The following PPP2R3B variants were observed in gnomAD, a reference collection of about 807,000 sequenced individuals.
The protein encoded by PPP2R3B is serine/threonine-protein phosphatase 2A regulatory subunit B'' subunit beta.
PPP2R3B carries 68 observed loss-of-function variants against 72.9 expected under a neutral mutation model. The observed-to-expected ratio is 0.93, with a 90% CI of 0.77 to 1.14. The LOEUF (loss-of-function observed/expected upper bound fraction) is 1.14. PPP2R3B is among the 50% of genes most tolerant of loss of function. PPP2R3B has a pLI of 0.00. For synonymous variants in PPP2R3B, 466 were observed against 375.8 expected (o/e 1.24, Z -2.78); for missense variants, 1,018 against 842.0 (o/e 1.21, Z -2.59).
At chrX:363,624 C>CATGCCCA (rs1569404167) in intron 1 of PPP2R3B, among the ~76,000 whole-genome samples, 46 of 48,450 alleles carry the variant, frequency 9.5e-4, no homozygotes, top group South Asian at 2.6e-3. Flanking sequence ...ATGCATCTCC[C>CATGCCCA]CGAGCCCACC....
At chrX:379,734 T>C (rs2072083739) in intron 1 of PPP2R3B, among the ~76,000 whole-genome samples, 1 of 152,208 alleles carries the variant, frequency 6.6e-6, no homozygotes, top group East Asian at 1.9e-4. Flanking sequence ...TGTTTGTGGA[T>C]TGGAAAATAC....
At chrX:355,250 C>A (rs548209664) in intron 2 of PPP2R3B, among the ~76,000 whole-genome samples, 8 of 152,272 alleles carry the variant, frequency 5.3e-5, no homozygotes, top group African/African-American at 1.9e-4. Context: ...TAAAAAAATA[C>A]CACGTACAGT....
intron 9 of PPP2R3B, 136 bp downstream of exon 9, chrX:341,171 C>G: frequency 1.2e-6 from 1 of 816,950 alleles, no homozygotes; most frequent in Admixed American, 2.0e-5. Context: ...CCGTGCAGCC[C>G]CCACCGGGCG....
intron 8 of PPP2R3B, 66 bp downstream of exon 8, chrX:341,817 A>G: frequency 6.4e-7 from 1 of 1,559,048 alleles, no homozygotes; most frequent in Non-Finnish European, 8.8e-7. Flanking sequence ...TCAGGCAACG[A>G]TGAGGAGAGG....
intron 1 of PPP2R3B, among the ~76,000 whole-genome samples, chrX:376,382 A>C (rs1234585963): frequency 3.3e-5 from 5 of 152,174 alleles, no homozygotes; most frequent in Admixed American, 6.5e-5. Flanking sequence ...GTGCAGCCAC[A>C]GGGCTGTCTA....
intron 1 of PPP2R3B, among the ~76,000 whole-genome samples, chrX:379,101 ATGCACCTGTGTG>A (rs1287940397): frequency 2.8e-4 from 37 of 131,476 alleles, no homozygotes; most frequent in African/African-American, 3.7e-4. Flanking sequence ...GTGTGTGTGT[ATGCACCTGTGTG>A]TGCACCTGTG....
At chrX:373,196 C>G (rs2071904275) in intron 1 of PPP2R3B, among the ~76,000 whole-genome samples, 1 of 152,216 alleles carries the variant, frequency 6.6e-6, no homozygotes, top group Non-Finnish European at 1.5e-5. Flanking sequence ...CAGGCGCTGA[C>G]GGCTCTCACC....
At chrX:368,296 C>T (rs1287414459) in intron 1 of PPP2R3B, among the ~76,000 whole-genome samples, 28 of 108,566 alleles carry the variant, frequency 2.6e-4, no homozygotes, top group South Asian at 1.9e-3. Context: ...CCTTGGGCAC[C>T]GACGGGGGGA....
rs367928301 is a variant in PPP2R3B at position 364,750 on chromosome X, G to A, written c.325-3160C>T. On this transcript the variant is annotated intron_variant, in intron 1 of 12. Transcript: ENST00000390665. ...AACAAACGATTAACCAGGTGTGGTGGCGCATGCCTGTACTCCCAGCTACTC... is the reference window on the plus strand; with the variant it reads ...AACAAACGATTAACCAGGTGTGGTGACGCATGCCTGTACTCCCAGCTACTC... 5.4e-4 allele frequency among the ~76,000 whole-genome samples: 42 copies of A among 77,968 alleles called. 9 individuals are homozygous for A. The East Asian group carries it at 0.03, about 56-fold the overall frequency. 51.2% of individuals were successfully genotyped at this position (77,968 alleles called of 152,430 possible).
chrX:334,245 A>G lies in PPP2R3B; in HGVS notation c.*122T>C. ...CGGCAATCAACACGCTTCTGTGAAT[A>G]AATAAAAGTTTATCATTCCGTACAA... On this transcript the variant is annotated 3_prime_UTR_variant, in exon 13 of 13. Transcript: ENST00000390665. The G allele has an allele frequency of 8.5e-7, 1 of 1,169,870 alleles. No homozygotes were observed. The highest frequency in any genetic ancestry group is 1.1e-6 in the Non-Finnish European group (1 of 891,856). 72.5% of individuals were successfully genotyped at this position (1,169,870 alleles called of 1,614,324 possible). A position where few individuals can be genotyped will look rare whatever the true frequency, so the allele number is the denominator to read the frequency against.
At chrX:347,365 C>T (rs752136631) in intron 3 of PPP2R3B, 29 bp from the exon 4 acceptor site, 53 of 1,605,210 alleles carry the variant, frequency 3.3e-5, no homozygotes, top group Non-Finnish European at 4.3e-5. Flanking sequence ...TGGGCACCAC[C>T]CTCACAGGGG....
intron 1 of PPP2R3B, among the ~76,000 whole-genome samples, chrX:370,815 C>G (rs1170742777): frequency 5.3e-5 from 8 of 152,216 alleles, no homozygotes; most frequent in Non-Finnish European, 2.9e-5. Context: ...GTCAGGGACG[C>G]CCAGAGCCCA....
intron 7 of PPP2R3B, among the ~76,000 whole-genome samples, chrX:342,904 G>C (rs1383234842): frequency 7.8e-5 from 2 of 25,538 alleles, no homozygotes; most frequent in Admixed American, 3.6e-4. Context: ...GGAGACCTCA[G>C]CAACGGGAGG....
At chrX:363,401 CAATCCCACA>C (rs2071591646) in intron 1 of PPP2R3B, among the ~76,000 whole-genome samples, 1 of 150,822 alleles carries the variant, frequency 6.6e-6, no homozygotes, top group African/African-American at 2.4e-5. Context: ...CCCGAGCCCG[CAATCCCACA>C]GTGCATCTCC....
Position 345,764 on chromosome X carries a change from G to A in PPP2R3B, c.880-92C>T. Reference sequence around the variant, plus strand: ...CGGGCGGGGCAGGGAAGGCTGGGAGGGTCGGGGCCGCTCCGTGGGTGGGGG... The same window carrying A: ...CGGGCGGGGCAGGGAAGGCTGGGAGAGTCGGGGCCGCTCCGTGGGTGGGGG... On this transcript the variant is annotated intron_variant, in intron 6 of 12. Coordinates refer to ENST00000390665, the MANE Select transcript of PPP2R3B (RefSeq NM_013239.5). The A allele has an allele frequency of 2.0e-6, 3 of 1,472,362 alleles. No homozygotes were observed. The South Asian group carries it at 3.8e-5, about 18-fold the overall frequency. The allele number at this position is 1,472,362 out of a possible 1,614,324, so 91.2% of individuals were successfully genotyped here.
chrX:341,712 C>G (rs2071082040), intron 8 of PPP2R3B, 171 bp downstream of exon 8: 1 of 782,190 alleles, frequency 1.3e-6, no homozygotes, highest in Non-Finnish European at 2.2e-6. Context: ...TTGTGCCACC[C>G]CCCCCCACTA....
chrX:362,197 C>T (rs73613894), intron 1 of PPP2R3B: 3,443 of 159,040 alleles, frequency 0.022, 144 homozygotes, highest in African/African-American at 0.079. Flanking sequence ...GGCTCTTGGC[C>T]CCACTCAGCA....
intron 2 of PPP2R3B, among the ~76,000 whole-genome samples, chrX:354,040 CA>C (rs1328188294): frequency 1.6e-5 from 2 of 123,944 alleles, no homozygotes; most frequent in Admixed American, 8.3e-5. Flanking sequence ...GCCCAGGGAC[CA>C]GGGGCTCACC....
intron 2 of PPP2R3B, 156 bp downstream of exon 2, chrX:361,249 C>T (rs1316346645): frequency 3.3e-6 from 1 of 301,734 alleles, no homozygotes; most frequent in Admixed American, 6.5e-5. Flanking sequence ...TCAGAGAAAA[C>T]CTGGGCCGCT....
Sources: gnomAD v4.1 joint callset for allele counts (sites outside exome capture counted in the v4.1 genomes callset) on GRCh38, gnomAD v4.1.1 for gene constraint, MANE v1.5 for transcripts, NCBI Gene and HGNC (gene_info 2026-07-23, HGNC 2026-07-21) for gene names.